The following CFHR4 variants were observed in gnomAD, a reference collection of about 807,000 sequenced individuals.
CFHR4 encodes the protein complement factor H-related protein 4.
A neutral mutation model predicts 69.3 loss-of-function variants in CFHR4; 64 were observed. That is an observed-to-expected ratio of 0.92 (90% CI 0.76 to 1.14). The LOEUF is 1.14. CFHR4 is among the 50% of genes most tolerant of loss of function. The pLI is 0.00. For missense variants in CFHR4, 636 were observed against 684.9 expected, an observed-to-expected ratio of 0.93 and a Z score of 0.80; for synonymous variants, 244 against 237.0, an observed-to-expected ratio of 1.03 and a Z score of -0.27.
intron 2 of CFHR4, among the ~76,000 whole-genome samples, chr1:196,902,923 T>A (rs1188202688): frequency 6.6e-6 from 1 of 151,590 alleles, no homozygotes; most frequent in Non-Finnish European, 1.5e-5. Flanking sequence ...TTTTCTTGAG[T>A]CATACATCAT....
intron 1 of CFHR4, among the ~76,000 whole-genome samples, chr1:196,890,141 C>T (rs1337656589): frequency 1.3e-5 from 2 of 151,318 alleles, no homozygotes; most frequent in Admixed American, 1.3e-4. Flanking sequence ...ATATACCCAC[C>T]ATACATATTT....
intron 2 of CFHR4, among the ~76,000 whole-genome samples, chr1:196,904,721 T>C (rs1251880262): frequency 1.3e-5 from 2 of 151,578 alleles, no homozygotes; most frequent in Non-Finnish European, 2.9e-5. Flanking sequence ...CAGTGTGTAC[T>C]GTATCTTTGC....
intron 1 of CFHR4, among the ~76,000 whole-genome samples, chr1:196,902,077 G>A (rs1657645626): frequency 6.6e-6 from 1 of 151,500 alleles, no homozygotes; most frequent in African/African-American, 2.4e-5. Flanking sequence ...GCAGGGCTCT[G>A]ATTTCTGATG....
intron 1 of CFHR4, among the ~76,000 whole-genome samples, chr1:196,894,631 C>G (rs989026382): frequency 1.3e-5 from 2 of 151,420 alleles, no homozygotes; most frequent in East Asian, 3.9e-4. Context: ...ACATATTGGC[C>G]CAATGCCTCT....
chr1:196,888,306 A>G (rs1239472804), intron 1 of CFHR4, 98 bp downstream of exon 1: 1 of 1,215,990 alleles, frequency 8.2e-7, no homozygotes, highest in East Asian at 2.4e-5. Flanking sequence ...TAAATCTGAT[A>G]GGATATATTC....
intron 1 of CFHR4, among the ~76,000 whole-genome samples, chr1:196,896,510 G>A (rs1657304159): frequency 6.6e-6 from 1 of 151,600 alleles, no homozygotes; most frequent in Non-Finnish European, 1.5e-5. Context: ...AAAGAACCCA[G>A]CAATCAGAGC....
At chr1:196,905,917 C>A (rs1254402151) in intron 3 of CFHR4, among the ~76,000 whole-genome samples, 1 of 151,290 alleles carries the variant, frequency 6.6e-6, no homozygotes, top group African/African-American at 2.4e-5. Context: ...AAAACATTCC[C>A]AACTTGTAAT....
At chr1:196,888,400 A>C (rs780128659) in intron 1 of CFHR4, among the ~76,000 whole-genome samples, 192 bp downstream of exon 1, 1 of 151,412 alleles carries the variant, frequency 6.6e-6, no homozygotes, top group Non-Finnish European at 1.5e-5. Context: ...TTAAAGAAAA[A>C]ATGAATAATA....
intron 5 of CFHR4, among the ~76,000 whole-genome samples, chr1:196,910,052 T>C (rs1658161494): frequency 6.7e-6 from 1 of 148,266 alleles, no homozygotes. Context: ...CTCAGGAGAC[T>C]GAGGCAGGAG....
At chr1:196,905,343 T>A in intron 3 of CFHR4, 53 bp downstream of exon 3, 1 of 1,599,216 alleles carries the variant, frequency 6.3e-7, no homozygotes. Context: ...TTCCTCTCTT[T>A]GAGGTGATAG....
chr1:196,893,135 G>A (rs1003005376), intron 1 of CFHR4, among the ~76,000 whole-genome samples: 1 of 151,700 alleles, frequency 6.6e-6, no homozygotes, highest in African/African-American at 2.4e-5. Context: ...GTTTTAAAAT[G>A]ATTGGTTTCA....
chr1:196,902,341 A>C, intron 1 of CFHR4, 77 bp from the exon 2 acceptor site: 1 of 1,017,698 alleles, frequency 9.8e-7, no homozygotes, highest in Non-Finnish European at 1.4e-6. Context: ...AATATAATTT[A>C]TTGATCAAAA....
intron 1 of CFHR4, among the ~76,000 whole-genome samples, chr1:196,891,096 CA>C (rs1188632954): frequency 6.6e-6 from 1 of 150,964 alleles, no homozygotes; most frequent in Non-Finnish European, 1.5e-5. Context: ...ACTAAAAATT[CA>C]AAAAATTAGC....
chr1:196,888,903 T>C (rs1656874970), intron 1 of CFHR4, among the ~76,000 whole-genome samples: 1 of 151,432 alleles, frequency 6.6e-6, no homozygotes. Context: ...GTCATTGTTC[T>C]CTGATATGTT....
At chr1:196,899,850 C>A (rs772816494) in intron 1 of CFHR4, among the ~76,000 whole-genome samples, 20 of 151,438 alleles carry the variant, frequency 1.3e-4, no homozygotes, top group Non-Finnish European at 2.9e-4. Flanking sequence ...AAGTAGTTTG[C>A]AGTTTTATTA....
chr1:196,888,600 C>T lies in CFHR4; in HGVS notation c.58+392C>T, dbSNP rs367763651. Among the ~76,000 whole-genome samples the T allele has an allele frequency of 8.6e-5, 13 of 151,042 alleles. 1 individual carries two copies. Among genetic ancestry groups the T allele is most frequent in the East Asian group, 5.8e-4 (3 of 5,174 alleles). On this transcript the variant is annotated intron_variant, in intron 1 of 9. Transcript: ENST00000608469. Reference sequence around the variant, plus strand: ...AGTGATTGATACTTTCATAATCTTACATACAGTGATTTTTTATTGATTCAT... The same window carrying T: ...AGTGATTGATACTTTCATAATCTTATATACAGTGATTTTTTATTGATTCAT...
At chr1:196,898,920 G>A (rs1657449828) in intron 1 of CFHR4, among the ~76,000 whole-genome samples, 1 of 151,516 alleles carries the variant, frequency 6.6e-6, no homozygotes, top group Admixed American at 6.6e-5. Context: ...CATTTCTCCA[G>A]AGCTAAAGAT....
At position 196,912,734 on chromosome 1, in the gene CFHR4, T is replaced by C; in HGVS notation, c.998-6T>C. 1.3e-6 allele frequency: 2 copies of C among 1,582,082 alleles called. No homozygotes were observed. Among genetic ancestry groups the C allele is most frequent in the South Asian group, 1.2e-5 (1 of 84,776 alleles). On this transcript the variant is annotated splice_polypyrimidine_tract_variant and splice_region_variant and intron_variant, in intron 6 of 9. Transcript: ENST00000608469. ...TTTACTTTTTTCTCTACTTTTTCTA[T>C]TTTAGGAACATGCTCAAAATCAGAT...
chr1:196,901,977 C>T (rs1388026659), intron 1 of CFHR4, among the ~76,000 whole-genome samples: 1 of 151,408 alleles, frequency 6.6e-6, no homozygotes, highest in Non-Finnish European at 1.5e-5. Flanking sequence ...ATTCCTGTTT[C>T]TCTGTAGTTT....
Sources: gnomAD v4.1 joint callset for allele counts (sites outside exome capture counted in the v4.1 genomes callset) on GRCh38, gnomAD v4.1.1 for gene constraint, MANE v1.5 for transcripts, NCBI Gene and HGNC (gene_info 2026-07-23, HGNC 2026-07-21) for gene names.